The following KCNQ5 variants were observed in gnomAD, a reference collection of about 807,000 sequenced individuals.
The protein encoded by KCNQ5 is potassium voltage-gated channel subfamily KQT member 5.
In KCNQ5, 30 loss-of-function variants were observed where a neutral mutation model predicts 98.2. The observed-to-expected ratio is 0.31, with a 90% CI of 0.23 to 0.41. The LOEUF (loss-of-function observed/expected upper bound fraction) is 0.41, where lower values mean the gene tolerates loss of function less well. Among genes scored for constraint, KCNQ5 ranks in the 10% least tolerant of loss-of-function variants. KCNQ5 has a pLI of 1.00. For synonymous variants in KCNQ5, 458 were observed against 449.4 expected (o/e 1.02, Z -0.24); for missense variants, 835 against 1,182.5 (o/e 0.71, Z 4.31).
chr6:72,701,614 C>G (rs760710915), intron 1 of KCNQ5, among the ~76,000 whole-genome samples: 13 of 152,008 alleles, frequency 8.6e-5, no homozygotes, highest in Non-Finnish European at 1.3e-4. Flanking sequence ...GGGTCTCATT[C>G]TGTTGCCCAG....
chr6:73,046,152 G>A (rs1771948988), intron 3 of KCNQ5, among the ~76,000 whole-genome samples: 1 of 152,072 alleles, frequency 6.6e-6, no homozygotes, highest in Non-Finnish European at 1.5e-5. Context: ...TCCCAAAACT[G>A]CCACTGTGTT....
At chr6:72,828,998 A>C (rs1478392723) in intron 1 of KCNQ5, among the ~76,000 whole-genome samples, 1 of 152,172 alleles carries the variant, frequency 6.6e-6, no homozygotes, top group African/African-American at 2.4e-5. Context: ...GTGTATGTAT[A>C]CATATATAGA....
intron 1 of KCNQ5, among the ~76,000 whole-genome samples, chr6:72,690,578 T>A (rs1768164866): frequency 6.6e-6 from 1 of 152,204 alleles, no homozygotes; most frequent in Non-Finnish European, 1.5e-5. Flanking sequence ...TTTGTAAATC[T>A]ACAAAAGATT....
At chr6:72,909,943 G>A (rs1467340442) in intron 1 of KCNQ5, among the ~76,000 whole-genome samples, 1 of 152,212 alleles carries the variant, frequency 6.6e-6, no homozygotes, top group Non-Finnish European at 1.5e-5. Flanking sequence ...GTGATAATCA[G>A]TGAGAACAGT....
intron 11 of KCNQ5, among the ~76,000 whole-genome samples, chr6:73,174,756 G>A (rs1169610939): frequency 1.3e-5 from 2 of 152,162 alleles, no homozygotes; most frequent in African/African-American, 4.8e-5. Context: ...GGCAAACTGG[G>A]GATGGTAATG....
intron 3 of KCNQ5, among the ~76,000 whole-genome samples, chr6:73,058,018 G>A (rs1185087460): frequency 6.6e-6 from 1 of 152,172 alleles, no homozygotes; most frequent in African/African-American, 2.4e-5. Context: ...CATAAATGGT[G>A]CTGGGATAAC....
chr6:72,757,577 G>A (rs1772035372), intron 1 of KCNQ5, among the ~76,000 whole-genome samples: 1 of 152,026 alleles, frequency 6.6e-6, no homozygotes, highest in South Asian at 2.1e-4. Flanking sequence ...ATATCTCATG[G>A]AATTTATTGA....
intron 3 of KCNQ5, among the ~76,000 whole-genome samples, chr6:73,050,332 G>A (rs13191662): frequency 6.9e-6 from 1 of 145,804 alleles, no homozygotes; most frequent in African/African-American, 2.5e-5. Context: ...GGAAGGAAGG[G>A]AGGGAGGGAA....
chr6:73,160,112 C>G (rs1295192379), intron 10 of KCNQ5, among the ~76,000 whole-genome samples: 2 of 152,052 alleles, frequency 1.3e-5, no homozygotes. Context: ...CTCCCGGGTT[C>G]ACGCCATTCT....
chr6:72,976,552 T>G (rs1768167153), intron 1 of KCNQ5, among the ~76,000 whole-genome samples: 1 of 152,230 alleles, frequency 6.6e-6, no homozygotes, highest in South Asian at 2.1e-4. Context: ...TAACTTTTAT[T>G]CATTCACGGC....
At chr6:72,934,973 G>T in intron 1 of KCNQ5, among the ~76,000 whole-genome samples, 1 of 149,982 alleles carries the variant, frequency 6.7e-6, no homozygotes, top group African/African-American at 2.5e-5. Flanking sequence ...CAAATTCCAT[G>T]TACCTTCACT....
At chr6:72,867,016 A>G (rs1478063782) in intron 1 of KCNQ5, among the ~76,000 whole-genome samples, 1 of 152,192 alleles carries the variant, frequency 6.6e-6, no homozygotes, top group Non-Finnish European at 1.5e-5. Flanking sequence ...CACTGCCACA[A>G]CTGATATAGG....
intron 1 of KCNQ5, among the ~76,000 whole-genome samples, chr6:73,000,361 A>C (rs538451138): frequency 7.9e-5 from 12 of 152,356 alleles, no homozygotes; most frequent in African/African-American, 2.9e-4. Context: ...CATTTGCCAA[A>C]TGAAAGAAAT....
intron 5 of KCNQ5, among the ~76,000 whole-genome samples, chr6:73,089,578 G>C (rs1774147516): frequency 1.3e-5 from 2 of 152,028 alleles, no homozygotes; most frequent in African/African-American, 4.8e-5. Flanking sequence ...CTTTCACCTT[G>C]AGTCTCCAAA....
At chr6:73,098,449 A>G (rs1176992440) in intron 5 of KCNQ5, among the ~76,000 whole-genome samples, 1 of 152,192 alleles carries the variant, frequency 6.6e-6, no homozygotes, top group African/African-American at 2.4e-5. Context: ...ACCTCAAAGC[A>G]TTCACTAATA....
intron 10 of KCNQ5, among the ~76,000 whole-genome samples, chr6:73,147,663 G>T (rs936998199): frequency 2.0e-5 from 3 of 152,004 alleles, no homozygotes; most frequent in African/African-American, 7.3e-5. Context: ...ATAGAAGTTT[G>T]GAAAATATTT....
chr6:73,021,252 A>G (rs577432261), intron 2 of KCNQ5, among the ~76,000 whole-genome samples: 1 of 152,310 alleles, frequency 6.6e-6, no homozygotes, highest in Admixed American at 6.5e-5. Context: ...GTTTCCATAC[A>G]TACTTTTATT....
At chr6:72,710,814 G>A (rs1298804469) in intron 1 of KCNQ5, among the ~76,000 whole-genome samples, 1 of 152,064 alleles carries the variant, frequency 6.6e-6, no homozygotes, top group African/African-American at 2.4e-5. Context: ...GGAAACATTG[G>A]ACTTGAATTA....
chr6:73,034,470 G>GA (rs1420325327), intron 2 of KCNQ5, among the ~76,000 whole-genome samples: 4 of 152,162 alleles, frequency 2.6e-5, no homozygotes, highest in African/African-American at 4.8e-5. Flanking sequence ...CATAAAACCA[G>GA]AAAAAACTAA....
Sources: gnomAD v4.1 joint callset for allele counts (sites outside exome capture counted in the v4.1 genomes callset) on GRCh38, gnomAD v4.1.1 for gene constraint, MANE v1.5 for transcripts, NCBI Gene and HGNC (gene_info 2026-07-23, HGNC 2026-07-21) for gene names.